TTLL5: variants seen among roughly 807,000 people sequenced by gnomAD.
TTLL5 encodes the protein tubulin polyglutamylase TTLL5.
TTLL5 carries 132 observed loss-of-function variants against 168.4 expected under a neutral mutation model. That is an observed-to-expected ratio of 0.78 (90% confidence interval 0.68 to 0.91). The LOEUF (loss-of-function observed/expected upper bound fraction) is 0.91. TTLL5 is among the 40% of genes least tolerant of loss of function. The pLI, the probability that TTLL5 is intolerant of heterozygous loss-of-function variation, is 0.00. For synonymous variants in TTLL5, 546 were observed against 558.6 expected (o/e 0.98, Z 0.32); for missense variants, 1,545 against 1,581.5 (o/e 0.98, Z 0.39).
chr14:75,688,818 TG>T (rs1885248535), intron 5 of TTLL5, among the ~76,000 whole-genome samples: 2 of 152,250 alleles, frequency 1.3e-5, no homozygotes, highest in African/African-American at 4.8e-5. Context: ...AAAAACACTT[TG>T]GTTTTTCCTC....
chr14:75,795,668 A>G (rs1041976216), intron 27 of TTLL5, among the ~76,000 whole-genome samples: 2 of 152,196 alleles, frequency 1.3e-5, no homozygotes, highest in African/African-American at 4.8e-5. Context: ...AAGTGAGAAC[A>G]TATGATGTCT....
chr14:75,728,733 A>G (rs1271611742), intron 12 of TTLL5, among the ~76,000 whole-genome samples: 3 of 152,246 alleles, frequency 2.0e-5, no homozygotes, highest in South Asian at 4.2e-4. Flanking sequence ...GAGATTGCCT[A>G]AGGAGAAAAC....
intron 26 of TTLL5, among the ~76,000 whole-genome samples, chr14:75,784,472 AT>A (rs1892253545): frequency 6.6e-6 from 1 of 152,136 alleles, no homozygotes; most frequent in Non-Finnish European, 1.5e-5. Flanking sequence ...ATATACCACA[AT>A]TTGTTTAGCC....
At chr14:75,885,490 GT>G (rs1025344812) in intron 30 of TTLL5, among the ~76,000 whole-genome samples, 15 of 152,296 alleles carry the variant, frequency 9.8e-5, no homozygotes, top group African/African-American at 2.6e-4. Flanking sequence ...AGATCAGAGA[GT>G]TCTCACGTAC....
intron 12 of TTLL5, among the ~76,000 whole-genome samples, chr14:75,722,895 A>G (rs1887933457): frequency 6.6e-6 from 1 of 152,112 alleles, no homozygotes; most frequent in South Asian, 2.1e-4. Flanking sequence ...AATTACAGAC[A>G]TTTTTCAAGA....
chr14:75,680,989 T>C lies in TTLL5; in HGVS notation c.182-556T>C, dbSNP rs557456500. On this transcript the variant is annotated intron_variant, in intron 3 of 31. Transcript: ENST00000298832. The stretch of plus-strand genomic sequence containing the variant: ...CCCTTTGGCAGTCTGGAGAAGCCCA[T>C]GGGCCTCTTCGCAGAAGAGTGTTTT... 2.0e-5 allele frequency among the ~76,000 whole-genome samples: 3 copies of C among 152,220 alleles called. No individual in the cohort carries two copies. In the East Asian group the frequency reaches 5.8e-4, roughly 29 times the overall value.
intron 31 of TTLL5, among the ~76,000 whole-genome samples, chr14:75,918,888 A>T (rs1341671449): frequency 6.6e-6 from 1 of 152,100 alleles, no homozygotes; most frequent in Non-Finnish European, 1.5e-5. Flanking sequence ...ACAAGTTATT[A>T]ATGATTCCTG....
At chr14:75,695,087 CTCT>C (rs1885744417) in intron 6 of TTLL5, among the ~76,000 whole-genome samples, 1 of 152,206 alleles carries the variant, frequency 6.6e-6, no homozygotes, top group Non-Finnish European at 1.5e-5. Flanking sequence ...AGCCATATTT[CTCT>C]TCTTACAAAA....
intron 18 of TTLL5, among the ~76,000 whole-genome samples, chr14:75,760,363 T>C (rs893336032): frequency 6.6e-6 from 1 of 152,076 alleles, no homozygotes; most frequent in South Asian, 2.1e-4. Flanking sequence ...TGGAGAGATA[T>C]GCCATATTTG....
chr14:75,720,042 T>C (rs1384886807), intron 11 of TTLL5, among the ~76,000 whole-genome samples: 1 of 152,212 alleles, frequency 6.6e-6, no homozygotes, highest in Non-Finnish European at 1.5e-5. Flanking sequence ...GACATAACTT[T>C]TTCCTTTTAA....
intron 31 of TTLL5, chr14:75,904,201 C>CAA: frequency 8.8e-7 from 1 of 1,139,678 alleles, no homozygotes; most frequent in Non-Finnish European, 1.1e-6. Context: ...CCTCACTCCT[C>CAA]CAAAAAAAAA....
chr14:75,931,761 A>G (rs1328989552), intron 31 of TTLL5, among the ~76,000 whole-genome samples: 1 of 152,210 alleles, frequency 6.6e-6, no homozygotes, highest in East Asian at 1.9e-4. Context: ...ATTCTAAAGT[A>G]CTTGCCATGC....
At chr14:75,915,945 C>T (rs972642486) in intron 31 of TTLL5, among the ~76,000 whole-genome samples, 3 of 151,868 alleles carry the variant, frequency 2.0e-5, no homozygotes, top group South Asian at 2.1e-4. Context: ...CTGGGCAACA[C>T]AGTGAAACAC....
chr14:75,894,121 G>GGACAGAAATACTGAATGACTTA (rs1292269669), intron 30 of TTLL5, among the ~76,000 whole-genome samples: 3 of 152,180 alleles, frequency 2.0e-5, no homozygotes, highest in Non-Finnish European at 4.4e-5. Context: ...TTTGAGGTCA[G>GGACAGAAATACTGAATGACTTA]GACAGAAATA....
chr14:75,913,260 C>T (rs1050799493), intron 31 of TTLL5, among the ~76,000 whole-genome samples: 2 of 152,102 alleles, frequency 1.3e-5, no homozygotes, highest in South Asian at 4.1e-4. Flanking sequence ...GCCTAGGCAC[C>T]ATCTCCCCAC....
At chr14:75,743,563 T>C (rs991185528) in intron 15 of TTLL5, among the ~76,000 whole-genome samples, 3 of 147,474 alleles carry the variant, frequency 2.0e-5, no homozygotes, top group African/African-American at 7.5e-5. Context: ...GATCAAACTC[T>C]CTGGCATCGC....
chr14:75,902,234 C>T lies in TTLL5; in HGVS notation c.3823+10C>T, dbSNP rs372087412. 209 of 1,613,790 alleles carry T rather than the reference C, an allele frequency of 1.3e-4. 1 individual carries two copies. The highest frequency in any genetic ancestry group is 1.6e-4 in the Middle Eastern group (1 of 6,084). On this transcript the variant is annotated intron_variant, in intron 31 of 31. Transcript: ENST00000298832. ...ATCACCAGCTCTACAGGTTAGTGGG[C>T]ACCAGCTCTTCTGCAACTGGATAGA... is the stretch of plus-strand genomic sequence containing the variant.
intron 27 of TTLL5, among the ~76,000 whole-genome samples, chr14:75,793,667 A>G (rs1156579039): frequency 6.6e-6 from 1 of 152,222 alleles, no homozygotes; most frequent in East Asian, 1.9e-4. Context: ...GTGGATAGAA[A>G]TAAATAACAG....
At chr14:75,803,529 C>T (rs1351169329) in intron 27 of TTLL5, among the ~76,000 whole-genome samples, 2 of 152,210 alleles carry the variant, frequency 1.3e-5, no homozygotes, top group Non-Finnish European at 2.9e-5. Flanking sequence ...TAAATGTTCT[C>T]AACTACCACC....
Sources: allele counts gnomAD v4.1 joint callset (sites outside exome capture counted in the v4.1 genomes callset), GRCh38; gene constraint gnomAD v4.1.1; transcripts MANE v1.5; gene names NCBI Gene and HGNC (gene_info 2026-07-23, HGNC 2026-07-21).